Variants in ARNT2 observed in about 807,000 individuals in gnomAD.
ARNT2 encodes the protein ARNT protein 2.
Under a neutral mutation model 91.7 loss-of-function variants are expected in ARNT2, and 36 were observed. The observed-to-expected ratio is 0.39, with a 90% confidence interval of 0.30 to 0.52. ARNT2 has a LOEUF of 0.52. ARNT2 is among the 20% of genes least tolerant of loss of function. The pLI, the probability that ARNT2 is intolerant of heterozygous loss-of-function variation, is 0.72. For missense variants in ARNT2, 775 were observed against 939.3 expected, an observed-to-expected ratio of 0.83 and a Z score of 2.29; for synonymous variants, 365 against 347.1, an observed-to-expected ratio of 1.05 and a Z score of -0.57.
At chr15:80,496,622 G>C (rs534697541) in intron 5 of ARNT2, among the ~76,000 whole-genome samples, 2 of 152,310 alleles carry the variant, frequency 1.3e-5, no homozygotes, top group Admixed American at 6.5e-5. Context: ...AAGAGGAGAC[G>C]TATTAGTTGA....
chr15:80,562,525 G>T (rs1283799482), intron 11 of ARNT2, among the ~76,000 whole-genome samples: 1 of 152,154 alleles, frequency 6.6e-6, no homozygotes, highest in African/African-American at 2.4e-5. Context: ...ACATCAAAGT[G>T]TCATACATAG....
At chr15:80,557,578 C>G (rs1596012116) in intron 11 of ARNT2, among the ~76,000 whole-genome samples, 4 of 152,152 alleles carry the variant, frequency 2.6e-5, no homozygotes. Flanking sequence ...TATGTAACAA[C>G]TGGCTGCTAC....
intron 3 of ARNT2, among the ~76,000 whole-genome samples, chr15:80,469,070 A>C (rs1896697790): frequency 6.6e-6 from 1 of 152,176 alleles, no homozygotes; most frequent in African/African-American, 2.4e-5. Flanking sequence ...CATTTTTTGA[A>C]CACCAGTGAA....
rs77735287 is a variant in ARNT2, at chr15:80,574,435, A to G, written c.1389+215A>G. 0.014 allele frequency among the ~76,000 whole-genome samples: 2,171 copies of G among 152,344 alleles called. 63 individuals carry two copies. Among genetic ancestry groups the G allele is most frequent in the East Asian group, 0.095 (491 of 5,172 alleles). Reference sequence around the variant, plus strand: ...TGAAGAATGTGTGAGTACCAGGTGAAGAACCAGGGGCCATAGTCAACCTAA... The same window carrying G: ...TGAAGAATGTGTGAGTACCAGGTGAGGAACCAGGGGCCATAGTCAACCTAA... On this transcript the variant is annotated intron_variant, in intron 13 of 18. Coordinates refer to ENST00000303329, the MANE Select transcript of ARNT2 (RefSeq NM_014862.4).
chr15:80,457,874 C>T, intron 2 of ARNT2, 55 bp from the exon 3 acceptor site: 1 of 1,586,610 alleles, frequency 6.3e-7, no homozygotes, highest in Non-Finnish European at 8.6e-7. Context: ...GCTCCTGTTA[C>T]CAGTTAAAAT....
chr15:80,465,344 T>C (rs1271665870), intron 3 of ARNT2, among the ~76,000 whole-genome samples: 1 of 152,188 alleles, frequency 6.6e-6, no homozygotes, highest in Non-Finnish European at 1.5e-5. Flanking sequence ...TTGGTGATGC[T>C]TCTCCAGGTT....
chr15:80,431,223 C>T (rs951784456), intron 1 of ARNT2, among the ~76,000 whole-genome samples: 4 of 152,150 alleles, frequency 2.6e-5, no homozygotes, highest in Non-Finnish European at 5.9e-5. Flanking sequence ...AACAGCACGC[C>T]CCCTCTGTCC....
chr15:80,451,248 C>T (rs1239249270), intron 2 of ARNT2, among the ~76,000 whole-genome samples: 1 of 152,228 alleles, frequency 6.6e-6, no homozygotes, highest in African/African-American at 2.4e-5. Flanking sequence ...CTGGGCCTGG[C>T]TCAGGCCATC....
chr15:80,580,698 A>G (rs1460593608), intron 16 of ARNT2, 149 bp downstream of exon 16: 2 of 1,035,906 alleles, frequency 1.9e-6, no homozygotes, highest in African/African-American at 3.2e-5. Flanking sequence ...CAGGAGCACC[A>G]TCCACCCTCA....
At chr15:80,549,482 A>G (rs1898046084) in intron 8 of ARNT2, among the ~76,000 whole-genome samples, 1 of 152,234 alleles carries the variant, frequency 6.6e-6, no homozygotes, top group Admixed American at 6.5e-5. Flanking sequence ...TATCCCAAAT[A>G]CAGGGAACTC....
At chr15:80,515,956 A>G (rs1321838303) in intron 8 of ARNT2, among the ~76,000 whole-genome samples, 1 of 140,962 alleles carries the variant, frequency 7.1e-6, no homozygotes, top group Non-Finnish European at 1.5e-5. Context: ...TGCAACCTCC[A>G]CCTCCCGGGT....
intron 1 of ARNT2, among the ~76,000 whole-genome samples, chr15:80,414,865 G>A (rs1197152202): frequency 6.6e-6 from 1 of 151,732 alleles, no homozygotes; most frequent in Admixed American, 6.6e-5. Context: ...AGGGTGCTGT[G>A]CTCAGTGCTG....
chr15:80,504,081 C>T (rs1173992071), intron 5 of ARNT2, among the ~76,000 whole-genome samples: 1 of 152,230 alleles, frequency 6.6e-6, no homozygotes, highest in Non-Finnish European at 1.5e-5. Flanking sequence ...CATGTATTTT[C>T]ACTCCCCCAC....
intron 5 of ARNT2, among the ~76,000 whole-genome samples, chr15:80,476,176 A>G (rs1389699997): frequency 6.6e-6 from 1 of 152,232 alleles, no homozygotes; most frequent in Non-Finnish European, 1.5e-5. Flanking sequence ...AGGTGTGGTC[A>G]TTTGTATGTT....
chr15:80,469,173 G>A (rs982035814), intron 3 of ARNT2, among the ~76,000 whole-genome samples: 3 of 152,246 alleles, frequency 2.0e-5, no homozygotes, highest in African/African-American at 7.2e-5. Flanking sequence ...AACTGAGTTG[G>A]CTGTGACTCC....
chr15:80,570,317 C>T (rs1898562847), intron 12 of ARNT2, among the ~76,000 whole-genome samples: 1 of 152,184 alleles, frequency 6.6e-6, no homozygotes, highest in African/African-American at 2.4e-5. Flanking sequence ...ACACTTTCCT[C>T]ATATGTCTCA....
chr15:80,506,025 T>C (rs1048979567), intron 5 of ARNT2, among the ~76,000 whole-genome samples: 3 of 145,384 alleles, frequency 2.1e-5, no homozygotes, highest in Admixed American at 7.1e-5. Context: ...AAAGCTCCGC[T>C]TCCCGGGTTC....
rs963895376 is a variant in ARNT2, at chr15:80,464,070, C to A, written c.194+6094C>A. Among the ~76,000 whole-genome samples the A allele has an allele frequency of 1.1e-4, 16 of 152,280 alleles. No individual in the cohort carries two copies. The South Asian group carries it at 1.2e-3, about 12-fold the overall frequency. On this transcript the variant is annotated intron_variant, in intron 3 of 18. Coordinates refer to ENST00000303329, the MANE Select transcript of ARNT2 (RefSeq NM_014862.4). Reference sequence around the variant, plus strand: ...AATCACTTCTGGGATCATAAGCAGTCCTGAGCTGTGTCTCTTTGGAAGCTG... The same window carrying A: ...AATCACTTCTGGGATCATAAGCAGTACTGAGCTGTGTCTCTTTGGAAGCTG...
intron 5 of ARNT2, among the ~76,000 whole-genome samples, chr15:80,494,292 G>A (rs1054411610): frequency 1.3e-5 from 2 of 151,764 alleles, no homozygotes; most frequent in African/African-American, 4.8e-5. Context: ...TGCTATTTTT[G>A]TATTTTTAAA....
Sources: allele counts gnomAD v4.1 joint callset (sites outside exome capture counted in the v4.1 genomes callset), GRCh38; gene constraint gnomAD v4.1.1; transcripts MANE v1.5; gene names NCBI Gene and HGNC (gene_info 2026-07-23, HGNC 2026-07-21).